Variants in LUZP2 observed in about 807,000 individuals in gnomAD.
LUZP2 encodes leucine zipper protein 2.
In LUZP2, 52 loss-of-function variants were observed where a neutral mutation model predicts 51.6. That is an observed-to-expected ratio of 1.01 (90% CI 0.81 to 1.27). The LOEUF (loss-of-function observed/expected upper bound fraction) is 1.27. Among genes scored for constraint, LUZP2 ranks in the 50% most tolerant of loss-of-function variants. LUZP2 has a pLI of 0.00. For missense variants in LUZP2, 436 were observed against 395.4 expected, an observed-to-expected ratio of 1.10 and a Z score of -0.87; for synonymous variants, 154 against 137.3, an observed-to-expected ratio of 1.12 and a Z score of -0.85.
intron 1 of LUZP2, among the ~76,000 whole-genome samples, chr11:24,499,290 A>T (rs1849917932): frequency 6.6e-6 from 1 of 152,246 alleles, no homozygotes; most frequent in South Asian, 2.1e-4. Flanking sequence ...CTGGATACCC[A>T]GAATACCCTG....
chr11:24,545,555 C>CTT (rs3992984), intron 1 of LUZP2, among the ~76,000 whole-genome samples: 49,388 of 120,462 alleles, frequency 0.41, 11,467 homozygotes, highest in East Asian at 0.63. Flanking sequence ...TTGTTGCTTG[C>CTT]TTTTTTTTTT....
In LUZP2 at chr11:24,515,679, AG is replaced by A. The variant is rs542438320; in HGVS notation, c.62+18376del. 9.2e-5 allele frequency among the ~76,000 whole-genome samples: 14 copies of A among 152,310 alleles called. No individual in the cohort carries two copies. In the East Asian group the frequency reaches 2.7e-3, roughly 29 times the overall value. The stretch of plus-strand genomic sequence containing the variant: ...ATTTTTGCTTGGGAAAACAAATTCC[AG>A]GAAGAGAATAGCAATGTGAAAGGTG... On this transcript the variant is annotated intron_variant, in intron 1 of 11. Coordinates refer to ENST00000336930, the MANE Select transcript of LUZP2 (RefSeq NM_001009909.4).
chr11:24,776,453 G>A (rs898462898), intron 5 of LUZP2, among the ~76,000 whole-genome samples: 2 of 152,070 alleles, frequency 1.3e-5, no homozygotes, highest in Non-Finnish European at 2.9e-5. Flanking sequence ...ATTTCCCACA[G>A]GAAAGAAGAG....
chr11:24,961,406 A>C (rs1007429249), intron 7 of LUZP2, among the ~76,000 whole-genome samples: 1 of 152,054 alleles, frequency 6.6e-6, no homozygotes, highest in African/African-American at 2.4e-5. Flanking sequence ...GTCACTCAGG[A>C]CTTGCTTTAT....
intron 5 of LUZP2, among the ~76,000 whole-genome samples, chr11:24,807,368 A>G (rs948385996): frequency 6.6e-6 from 1 of 151,864 alleles, no homozygotes; most frequent in South Asian, 2.1e-4. Flanking sequence ...AGGCTGAGGC[A>G]GGAGAATCAC....
chr11:24,817,902 C>T (rs1850232322), intron 5 of LUZP2, among the ~76,000 whole-genome samples: 1 of 151,948 alleles, frequency 6.6e-6, no homozygotes, highest in African/African-American at 2.4e-5. Flanking sequence ...ACATATCTTC[C>T]AGCTGATTTT....
chr11:24,527,572 C>CAT (rs1850849864), intron 1 of LUZP2, among the ~76,000 whole-genome samples: 1 of 139,146 alleles, frequency 7.2e-6, no homozygotes, highest in Non-Finnish European at 1.5e-5. Flanking sequence ...CTCTCTCACA[C>CAT]ACACACACAC....
rs1856780906 is a variant in LUZP2 at position 24,682,661 on chromosome 11, T to A, written c.63-46508T>A. Among the ~76,000 whole-genome samples, 3 of 150,370 alleles carry A rather than the reference T, an allele frequency of 2.0e-5. No individual in the cohort carries two copies. In the South Asian group the frequency reaches 6.3e-4, roughly 32 times the overall value. The stretch of plus-strand genomic sequence containing the variant: ...ATATATACACACACACACATACACA[T>A]ATATTTTAAATCCATATTAAGGAAG... On this transcript the variant is annotated intron_variant, in intron 1 of 11. Transcript: ENST00000336930.
chr11:24,806,181 A>G lies in LUZP2; in HGVS notation c.396+42873A>G, dbSNP rs145357841. On this transcript the variant is annotated intron_variant, in intron 5 of 11. Transcript: ENST00000336930. ...ACTGCAGGACTTTTCTTATTTTATCATTGGTAAATGTGTAGCTTCAGGGTA... is the reference window on the plus strand; with the variant it reads ...ACTGCAGGACTTTTCTTATTTTATCGTTGGTAAATGTGTAGCTTCAGGGTA... Among the ~76,000 whole-genome samples, 10 of 152,302 alleles carry G rather than the reference A, an allele frequency of 6.6e-5. No individual in the cohort carries two copies. The East Asian group carries it at 1.5e-3, about 24-fold the overall frequency.
intron 1 of LUZP2, among the ~76,000 whole-genome samples, chr11:24,600,117 C>A (rs1853571807): frequency 6.6e-6 from 1 of 151,704 alleles, no homozygotes; most frequent in Non-Finnish European, 1.5e-5. Flanking sequence ...GTAAAGTGGG[C>A]TCTTAATCCA....
At chr11:24,909,460 C>A (rs2133793421) in intron 6 of LUZP2, among the ~76,000 whole-genome samples, 1 of 151,184 alleles carries the variant, frequency 6.6e-6, no homozygotes, top group Non-Finnish European at 1.5e-5. Context: ...TGGTAGTAAT[C>A]TCCCACTCTC....
intron 3 of LUZP2, among the ~76,000 whole-genome samples, chr11:24,732,397 CTT>C (rs1306006882): frequency 6.6e-6 from 1 of 151,644 alleles, no homozygotes; most frequent in African/African-American, 2.4e-5. Context: ...CTAAGAAGCT[CTT>C]TGGTGATGGT....
intron 5 of LUZP2, among the ~76,000 whole-genome samples, chr11:24,805,616 C>T (rs867273653): frequency 3.3e-5 from 5 of 152,112 alleles, no homozygotes; most frequent in Non-Finnish European, 4.4e-5. Context: ...TGGAAGTTTT[C>T]AGCCTGAAAA....
chr11:25,029,251 G>C (rs1857579177), intron 9 of LUZP2, among the ~76,000 whole-genome samples: 1 of 152,066 alleles, frequency 6.6e-6, no homozygotes, highest in Non-Finnish European at 1.5e-5. Context: ...TTACTCGAAG[G>C]ATAAATGCTT....
chr11:24,890,348 C>G (rs566350238), intron 5 of LUZP2, among the ~76,000 whole-genome samples: 26 of 152,224 alleles, frequency 1.7e-4, no homozygotes, highest in African/African-American at 6.3e-4. Flanking sequence ...ACAATAATAA[C>G]ATGATTAATT....
rs1565088290 is a variant in LUZP2 at position 24,905,973 on chromosome 11, C to T, written c.397-18C>T. 2.5e-6 allele frequency: 4 copies of T among 1,582,482 alleles called. No homozygotes were observed. The East Asian group carries it at 6.7e-5, about 27-fold the overall frequency. ...ATTTTGTCTCTTCTTTGCAATAAAA[C>T]TATGTTTTCTTCCTCAGAATAAAAG... is the stretch of plus-strand genomic sequence containing the variant. On this transcript the variant is annotated intron_variant, in intron 5 of 11. Transcript: ENST00000336930.
At chr11:24,991,394 G>GTATATATATATATATATATA (rs1327713711) in intron 9 of LUZP2, among the ~76,000 whole-genome samples, 7 of 109,374 alleles carry the variant, frequency 6.4e-5, no homozygotes, top group Non-Finnish European at 1.8e-5. Flanking sequence ...GTGTGTGTGT[G>GTATATATATATATATATATA]TGTATATATA....
At chr11:24,999,863 T>G (rs12786357) in intron 9 of LUZP2, among the ~76,000 whole-genome samples, 59,130 of 151,960 alleles carry the variant, frequency 0.39, 13,792 homozygotes, top group East Asian at 0.68. Flanking sequence ...AGCTCATAAA[T>G]TTAGTGTGGA....
intron 9 of LUZP2, among the ~76,000 whole-genome samples, chr11:25,029,409 C>A (rs1353373634): frequency 6.6e-6 from 1 of 151,956 alleles, no homozygotes; most frequent in East Asian, 1.9e-4. Flanking sequence ...AAAAACAATA[C>A]TTCAAATATG....
Sources: allele counts gnomAD v4.1 joint callset (sites outside exome capture counted in the v4.1 genomes callset), GRCh38; gene constraint gnomAD v4.1.1; transcripts MANE v1.5; gene names NCBI Gene and HGNC (gene_info 2026-07-23, HGNC 2026-07-21).